Variants in AGBL1 observed in about 807,000 individuals in gnomAD.
AGBL1 encodes cytosolic carboxypeptidase 4.
A neutral mutation model predicts 118.9 loss-of-function variants in AGBL1; 130 were observed. That is an observed-to-expected ratio of 1.09 (90% confidence interval 0.95 to 1.26). The LOEUF (loss-of-function observed/expected upper bound fraction) is 1.26, where lower values mean the gene tolerates loss of function less well. Among genes scored for constraint, AGBL1 ranks in the 50% most tolerant of loss-of-function variants. AGBL1 has a pLI of 0.00. For missense variants in AGBL1, 1,584 were observed against 1,298.1 expected, an observed-to-expected ratio of 1.22 and a Z score of -3.38; for synonymous variants, 555 against 478.9, an observed-to-expected ratio of 1.16 and a Z score of -2.08.
chr15:86,373,428 G>A (rs537792128), intron 17 of AGBL1, among the ~76,000 whole-genome samples: 20 of 152,322 alleles, frequency 1.3e-4, no homozygotes, highest in African/African-American at 4.3e-4. Flanking sequence ...GGGAATCATA[G>A]AAGGCTTGCT....
At chr15:86,304,442 T>A (rs2079805597) in intron 17 of AGBL1, among the ~76,000 whole-genome samples, 1 of 152,222 alleles carries the variant, frequency 6.6e-6, no homozygotes, top group African/African-American at 2.4e-5. Flanking sequence ...AATCTCTTTA[T>A]CACATGACCT....
intron 23 of AGBL1, among the ~76,000 whole-genome samples, chr15:86,955,986 T>C (rs1343172888): frequency 2.0e-5 from 3 of 152,252 alleles, no homozygotes; most frequent in African/African-American, 2.4e-5. Flanking sequence ...AAATTAAGTA[T>C]ACATGTGCAT....
At chr15:86,366,269 C>T (rs1730679469) in intron 17 of AGBL1, among the ~76,000 whole-genome samples, 1 of 152,028 alleles carries the variant, frequency 6.6e-6, no homozygotes, top group South Asian at 2.1e-4. Context: ...GTTAACACAC[C>T]AGAATTTGGT....
chr15:86,863,098 A>C (rs980401722), intron 22 of AGBL1, among the ~76,000 whole-genome samples: 4 of 152,180 alleles, frequency 2.6e-5, no homozygotes, highest in African/African-American at 9.7e-5. Context: ...GTTCGAAAAC[A>C]ATTAGAGAGA....
rs1435470703 is a variant in AGBL1, at chr15:86,827,468, TAC to T, written c.3159-79617_3159-79616del. The stretch of plus-strand genomic sequence containing the variant: ...GTGTGTGTATATATATATATATATA[TAC>T]ATATATATATATATGTGTGTATATA... On this transcript the variant is annotated intron_variant, in intron 22 of 22. Transcript: ENST00000614907. 8.5e-3 allele frequency among the ~76,000 whole-genome samples: 89 copies of T among 10,504 alleles called. 8 individuals are homozygous for T. The highest frequency in any genetic ancestry group is 0.056 in the East Asian group (2 of 36). The allele number at this position is 10,504 out of a possible 152,430, so 6.9% of individuals were successfully genotyped here. A position where few individuals can be genotyped will look rare whatever the true frequency, so the allele number is the denominator to read the frequency against.
In AGBL1 at chr15:86,262,470, G is replaced by C. The variant is rs1440243171; in HGVS notation, c.970-308G>C. 2.9e-4 allele frequency among the ~76,000 whole-genome samples: 44 copies of C among 152,234 alleles called. 1 individual carries two copies. The highest frequency in any genetic ancestry group is 2.9e-3 in the Admixed American group (44 of 15,276). ...ATGATGCTGACGATAGTGGCAATGA[G>C]ATAAAGAATTTCTTTTATAATGTGC... is the stretch of plus-strand genomic sequence containing the variant. On this transcript the variant is annotated intron_variant, in intron 9 of 22. Coordinates refer to ENST00000614907, the MANE Select transcript of AGBL1 (RefSeq NM_001386094.1).
chr15:86,111,707 A>G (rs1897394041), intron 1 of AGBL1, among the ~76,000 whole-genome samples: 1 of 152,208 alleles, frequency 6.6e-6, no homozygotes, highest in South Asian at 2.1e-4. Context: ...ACTTGTTAAC[A>G]TGGAACTGCT....
At chr15:86,296,406 A>T (rs1259858829) in intron 17 of AGBL1, 1 of 150,976 alleles carries the variant, frequency 6.6e-6, no homozygotes, top group Non-Finnish European at 1.5e-5. Flanking sequence ...AGGAAGATAC[A>T]GCCTTCCCTG....
At chr15:86,920,045 G>C (rs570922501), downstream of AGBL1, among the ~76,000 whole-genome samples, 4 of 152,294 alleles carry the variant, frequency 2.6e-5, no homozygotes, top group South Asian at 2.1e-4. Context: ...TCTATTTACT[G>C]TCTTAGGGTG....
intron 24 of AGBL1, among the ~76,000 whole-genome samples, chr15:87,002,030 GT>G (rs2081444433): frequency 6.6e-6 from 1 of 152,008 alleles, no homozygotes; most frequent in African/African-American, 2.4e-5. Flanking sequence ...TGCTTTTGGT[GT>G]TTTAGGCATG....
chr15:86,917,347 C>T (rs2080436528), downstream of AGBL1, among the ~76,000 whole-genome samples: 1 of 152,178 alleles, frequency 6.6e-6, no homozygotes, highest in Admixed American at 6.5e-5. This position sits in a 1 kb window ranked among gnomAD's most constrained non-coding sequence, Gnocchi z 4.8. Context: ...TGTCTCTCAG[C>T]ATTTGGGGCC....
chr15:86,787,724 T>C (rs1020802285), intron 22 of AGBL1, among the ~76,000 whole-genome samples: 11 of 152,214 alleles, frequency 7.2e-5, no homozygotes, highest in Admixed American at 4.6e-4. Flanking sequence ...GAGGTTCTTA[T>C]TGCATGTCTT....
At chr15:86,500,090 A>G (rs1376007549) in intron 18 of AGBL1, among the ~76,000 whole-genome samples, 1 of 151,908 alleles carries the variant, frequency 6.6e-6, no homozygotes, top group East Asian at 1.9e-4. Context: ...TTTGCCAGAC[A>G]AAATGGACAA....
intron 7 of AGBL1, among the ~76,000 whole-genome samples, chr15:86,249,957 C>T (rs1424230628): frequency 6.6e-6 from 1 of 152,172 alleles, no homozygotes; most frequent in African/African-American, 2.4e-5. Context: ...AGCACATTAG[C>T]AAGAAGCTTC....
At chr15:86,336,641 A>G (rs2080373709) in intron 17 of AGBL1, among the ~76,000 whole-genome samples, 1 of 152,184 alleles carries the variant, frequency 6.6e-6, no homozygotes, top group Admixed American at 6.5e-5. Flanking sequence ...TTGGCTGGAC[A>G]CTTTCCAGCT....
chr15:86,255,152 C>G (rs570336888), intron 7 of AGBL1, among the ~76,000 whole-genome samples: 6 of 152,304 alleles, frequency 3.9e-5, no homozygotes, highest in Admixed American at 2.0e-4. Context: ...TGGGCTGGCT[C>G]TATCTCTACC....
chr15:86,597,675 G>T (rs909562605), intron 21 of AGBL1, among the ~76,000 whole-genome samples: 1 of 152,164 alleles, frequency 6.6e-6, no homozygotes, highest in African/African-American at 2.4e-5. Flanking sequence ...AATAGACAGA[G>T]CCTACTTACT....
intron 22 of AGBL1, among the ~76,000 whole-genome samples, chr15:86,722,140 G>A (rs1373647839): frequency 6.6e-6 from 1 of 152,070 alleles, no homozygotes; most frequent in Non-Finnish European, 1.5e-5. Flanking sequence ...TTTCTTCACA[G>A]AATTGGAAAA....
At chr15:86,799,496 G>A (rs1031941344) in intron 22 of AGBL1, among the ~76,000 whole-genome samples, 2 of 152,004 alleles carry the variant, frequency 1.3e-5, no homozygotes, top group Non-Finnish European at 2.9e-5. Flanking sequence ...ATTAATGCAC[G>A]GCTATACCAC....
Sources: gnomAD v4.1 joint callset for allele counts (sites outside exome capture counted in the v4.1 genomes callset) on GRCh38, gnomAD v4.1.1 for gene constraint, Gnocchi (gnomAD v3.1) non-coding constraint, MANE v1.5 for transcripts, NCBI Gene and HGNC (gene_info 2026-07-23, HGNC 2026-07-21) for gene names.